Variants in ANKRD27 observed in about 807,000 individuals in gnomAD.
ANKRD27 encodes ankyrin repeat domain-containing protein 27.
ANKRD27 carries 112 observed loss-of-function variants against 129.7 expected under a neutral mutation model. That is an observed-to-expected ratio of 0.86 (90% confidence interval 0.74 to 1.01). The LOEUF is 1.01. Among genes scored for constraint, ANKRD27 ranks in the 50% least tolerant of loss-of-function variants. The pLI is 0.00. For synonymous variants in ANKRD27, 516 were observed against 511.2 expected (o/e 1.01, Z -0.13); for missense variants, 1,258 against 1,300.5 (o/e 0.97, Z 0.50).
At chr19:32,666,597 G>T (rs1967759750) in intron 1 of ANKRD27, among the ~76,000 whole-genome samples, 1 of 151,866 alleles carries the variant, frequency 6.6e-6, no homozygotes, top group South Asian at 2.1e-4. Flanking sequence ...AGCTCTCAGA[G>T]GGGGTGCCTA....
rs552996281 is a variant in ANKRD27, at chr19:32,626,640, C to G, written c.1536+72G>C. The G allele has an allele frequency of 1.4e-5, 17 of 1,191,950 alleles. No homozygotes were observed. In the Admixed American group the frequency reaches 3.6e-4, roughly 25 times the overall value. 73.8% of individuals were successfully genotyped at this position (1,191,950 alleles called of 1,614,324 possible). A position where few individuals can be genotyped will look rare whatever the true frequency, so the allele number is the denominator to read the frequency against. On this transcript the variant is annotated intron_variant, in intron 16 of 28. Transcript: ENST00000306065. ...AGGGGTGCAGGGTAGCCAGCATGAC[C>G]GTACAGTCACCACGCAGAACCAAGC...
rs1971581868 is a variant in ANKRD27 at position 32,597,160 on chromosome 19, TTTCC to T, written c.*981_*984del. On this transcript the variant is annotated 3_prime_UTR_variant, in exon 29 of 29. Coordinates refer to ENST00000306065, the MANE Select transcript of ANKRD27 (RefSeq NM_032139.3). ...ATTTCCAAGAACATGGACAAAACCATTTCCCTATCACAAGGTCATTTGAAAACGG... is the reference window on the plus strand; with the variant it reads ...ATTTCCAAGAACATGGACAAAACCATCTATCACAAGGTCATTTGAAAACGG... 7.2e-6 allele frequency: 1 copy of T among 139,706 alleles called. No homozygotes were observed. Among genetic ancestry groups the T allele is most frequent in the Non-Finnish European group, 1.6e-5 (1 of 62,788 alleles). 8.7% of individuals were successfully genotyped at this position (139,706 alleles called of 1,614,324 possible). A position where few individuals can be genotyped will look rare whatever the true frequency, so the allele number is the denominator to read the frequency against.
intron 22 of ANKRD27, among the ~76,000 whole-genome samples, chr19:32,610,622 T>A (rs184038587): frequency 6.6e-6 from 1 of 151,658 alleles, no homozygotes; most frequent in African/African-American, 2.4e-5. Flanking sequence ...CAAAACCCTG[T>A]CTCTACTAAA....
In ANKRD27 at chr19:32,598,375, C is replaced by G. The variant is rs780479884; in HGVS notation, c.2923G>C (p.Gly975Arg). The G allele has an allele frequency of 3.7e-6, 6 of 1,614,146 alleles. No homozygotes were observed. The highest frequency in any genetic ancestry group is 5.1e-6 in the Non-Finnish European group (6 of 1,180,010). ...TGTCTCAGTGTGACACTTTGCCTCCCTGGCTAAAGAAAAAGTACATTTTTA... is the reference window on the plus strand; with the variant it reads ...TGTCTCAGTGTGACACTTTGCCTCCGTGGCTAAAGAAAAAGTACATTTTTA... ...NLTEGSLHEP[G>R]RQSVTLRQNN... Residue 975 changes from glycine (G) to arginine (R), a missense_variant, in exon 29 of 29, where the codon GGG becomes CGG. Coordinates refer to ENST00000306065, the MANE Select transcript of ANKRD27 (RefSeq NM_032139.3).
intron 17 of ANKRD27, 33 bp from the exon 18 acceptor site, chr19:32,622,652 G>A (rs1477871643): frequency 1.2e-6 from 2 of 1,608,696 alleles, no homozygotes; most frequent in Admixed American, 1.7e-5. Context: ...CATCGCTCAT[G>A]GATGTACCAA....
chr19:32,647,702 A>C (rs1229227250), intron 3 of ANKRD27, among the ~76,000 whole-genome samples: 1 of 152,186 alleles, frequency 6.6e-6, no homozygotes, highest in Non-Finnish European at 1.5e-5. Context: ...GCTGTCAGTC[A>C]GCTTAGTTGA....
chr19:32,632,584 C>CAAAA (rs531083631), intron 12 of ANKRD27, among the ~76,000 whole-genome samples: 1 of 105,272 alleles, frequency 9.5e-6, no homozygotes. Context: ...GACTCCATCT[C>CAAAA]AAAAAAAAAA....
chr19:32,635,365 C>T (rs1967069870), intron 12 of ANKRD27, among the ~76,000 whole-genome samples: 1 of 152,186 alleles, frequency 6.6e-6, no homozygotes, highest in South Asian at 2.1e-4. Flanking sequence ...GAAAACAAGT[C>T]AAACTCACAA....
chr19:32,641,148 G>A (rs983654957), intron 10 of ANKRD27, among the ~76,000 whole-genome samples: 4 of 151,410 alleles, frequency 2.6e-5, no homozygotes, highest in South Asian at 2.1e-4. Context: ...TGATCTGCCC[G>A]CCTCAGCCTC....
Position 32,598,069 on chromosome 19 carries a change from C to CAGAT in ANKRD27, c.*72_*75dup, listed in dbSNP as rs1599728247. The CAGAT allele has an allele frequency of 3.0e-6, 4 of 1,344,040 alleles. No individual in the cohort carries two copies. In the East Asian group the frequency reaches 9.3e-5, roughly 31 times the overall value. 83.3% of individuals were successfully genotyped at this position (1,344,040 alleles called of 1,614,324 possible). A position where few individuals can be genotyped will look rare whatever the true frequency, so the allele number is the denominator to read the frequency against. On this transcript the variant is annotated 3_prime_UTR_variant, in exon 29 of 29. Coordinates refer to ENST00000306065, the MANE Select transcript of ANKRD27 (RefSeq NM_032139.3). The stretch of plus-strand genomic sequence containing the variant: ...GTCTCATGGAAGCACATTTAGTTCT[C>CAGAT]AGATGTGTTCACGCTCAGCATCATC...
chr19:32,616,028 AT>A (rs1835694590), intron 21 of ANKRD27, among the ~76,000 whole-genome samples: 1 of 152,122 alleles, frequency 6.6e-6, no homozygotes, highest in Non-Finnish European at 1.5e-5. Flanking sequence ...CCTCAGGGTG[AT>A]GGCTTTAAAA....
chr19:32,650,745 C>CTTT (rs1164998970), intron 2 of ANKRD27, among the ~76,000 whole-genome samples: 1 of 99,068 alleles, frequency 1.0e-5, no homozygotes, highest in Admixed American at 1.0e-4. Flanking sequence ...TTTCTTTACG[C>CTTT]TTTTATTTAT....
chr19:32,600,207 A>G (rs768977722), intron 26 of ANKRD27, 157 bp from the exon 27 acceptor site: 17 of 545,468 alleles, frequency 3.1e-5, no homozygotes, highest in Admixed American at 1.6e-4. Flanking sequence ...GTACCTATTT[A>G]TAACAGGTTG....
At chr19:32,638,135 G>C (rs1967125897) in intron 12 of ANKRD27, 1 of 152,324 alleles carries the variant, frequency 6.6e-6, no homozygotes, top group African/African-American at 2.4e-5. Flanking sequence ...TGGGGGCCGG[G>C]CTGTCAGTCC....
intron 11 of ANKRD27, among the ~76,000 whole-genome samples, 159 bp from the exon 12 acceptor site, chr19:32,639,647 G>A (rs531869830): frequency 2.0e-5 from 3 of 152,144 alleles, no homozygotes; most frequent in African/African-American, 4.8e-5. Flanking sequence ...GAGTGTGTGC[G>A]ATTAGGAACA....
At chr19:32,652,557 A>G (rs1194547083) in intron 2 of ANKRD27, among the ~76,000 whole-genome samples, 1 of 152,134 alleles carries the variant, frequency 6.6e-6, no homozygotes, top group Non-Finnish European at 1.5e-5. Context: ...CCTGGGCTAC[A>G]AGAGCGAAAC....
intron 1 of ANKRD27, chr19:32,673,365 T>G: frequency 1.0e-6 from 1 of 985,290 alleles, no homozygotes; most frequent in South Asian, 4.7e-5. Flanking sequence ...CTCCTGGATC[T>G]GCCCCCTGGA....
chr19:32,630,927 T>C (rs776508709), intron 13 of ANKRD27, among the ~76,000 whole-genome samples: 10 of 152,088 alleles, frequency 6.6e-5, no homozygotes, highest in Non-Finnish European at 1.5e-4. Context: ...CCACCCCACC[T>C]GGCCTTGATC....
chr19:32,643,968 G>T (rs979377732), intron 5 of ANKRD27, among the ~76,000 whole-genome samples: 1 of 151,842 alleles, frequency 6.6e-6, no homozygotes, highest in Non-Finnish European at 1.5e-5. Flanking sequence ...TCAAACTCCT[G>T]GGCTAAAGCC....
Sources: gnomAD v4.1 joint callset for allele counts (sites outside exome capture counted in the v4.1 genomes callset) on GRCh38, gnomAD v4.1.1 for gene constraint, MANE v1.5 for transcripts, NCBI Gene and HGNC (gene_info 2026-07-23, HGNC 2026-07-21) for gene names.